The following CDHR1 variants were observed in gnomAD, a reference collection of about 807,000 sequenced individuals.
CDHR1 encodes cadherin-related family member 1.
CDHR1 carries 61 observed loss-of-function variants against 72.1 expected under a neutral mutation model. The observed-to-expected ratio is 0.85, with a 90% confidence interval of 0.69 to 1.05. The LOEUF (loss-of-function observed/expected upper bound fraction) is 1.05. Ranked by LOEUF, CDHR1 falls within the 50% of genes least tolerant of loss-of-function variation. The pLI is 0.00. For missense variants in CDHR1, 1,186 were observed against 1,115.7 expected (o/e 1.06, Z -0.90); for synonymous variants, 470 against 448.1 (o/e 1.05, Z -0.62).
Position 84,214,275 on chromosome 10 carries a change from G to T in CDHR1, c.2234G>T (p.Ser745Ile), listed in dbSNP as rs760447840. ...CGGCGGGTGCTCCGCAAGCGGCCCA[G>T]CCCTGCGCCCCGCACCATCCGCATT... ...PMRRVLRKRP[S>I]PAPRTIRIEW... Residue 745 changes from serine (S) to isoleucine (I), a missense_variant, in exon 17 of 17, where the codon AGC (serine) becomes ATC (isoleucine). Transcript: ENST00000623527. 1.2e-6 allele frequency: 2 copies of T among 1,613,642 alleles called. No individual in the cohort carries two copies. The highest frequency in any genetic ancestry group is 1.6e-4 in the Middle Eastern group (1 of 6,080).
Position 84,201,882 on chromosome 10 carries a change from G to C in CDHR1, c.601G>C (p.Glu201Gln). The C allele has an allele frequency of 1.2e-6, 2 of 1,608,234 alleles. No individual in the cohort carries two copies. The highest frequency in any genetic ancestry group is 1.7e-6 in the Non-Finnish European group (2 of 1,179,966). The change falls in exon 7 of 17, where the codon GAG (glutamate) becomes CAG (glutamine). Residue 201 changes from glutamate (E) to glutamine (Q), a missense_variant. Glu to Gln is a conservative substitution (Grantham distance 29). Transcript: ENST00000623527. The stretch of plus-strand genomic sequence containing the variant: ...CCAGGCTGGGGCCACTCTGGACTAC[G>C]AGAGGTCCCGGACCCACTACATCAC... ...RLQAGATLDY[E>Q]RSRTHYITVV...
At position 84,205,909 on chromosome 10, in the gene CDHR1, G is replaced by A. The variant is rs1307388879; in HGVS notation, c.945G>A (p.Val315=). The A allele has an allele frequency of 6.2e-7, 1 of 1,613,574 alleles. No individual in the cohort carries two copies. Among genetic ancestry groups the A allele is most frequent in the Admixed American group, 1.7e-5 (1 of 60,000 alleles). The change falls in exon 10 of 17, where the codon GTG becomes GTA. Residue 315 remains valine, a synonymous_variant. Transcript: ENST00000623527. ...GCCCGGCCCAGCTCCAGAGAGAGGT[G>A]TATGAGCTGCATGTACAGGTACCCT... The part of the protein sequence containing the change: ...TQSPAQLQRE[V]YELHVQVTEM...
chr10:84,205,514 TCACACACACA>T (rs33921515), intron 9 of CDHR1, among the ~76,000 whole-genome samples: 110 of 145,118 alleles, frequency 7.6e-4, no homozygotes, highest in African/African-American at 2.6e-3. Flanking sequence ...TCTCTTTTCT[TCACACACACA>T]CACACACACA....
At chr10:84,198,936 G>A (rs1398583297) in intron 4 of CDHR1, 96 bp from the exon 5 acceptor site, 1 of 884,584 alleles carries the variant, frequency 1.1e-6, no homozygotes, top group African/African-American at 1.7e-5. Flanking sequence ...GGAGGGATGG[G>A]CAGAGACGTG....
In CDHR1 at chr10:84,208,880, A is replaced by C. The variant is rs771794494; in HGVS notation, c.1319A>C (p.Lys440Thr). ...GAAAAGTCCAAAGTATTAACCTTCA[A>C]GGTAGGTGGTGCCCTGAATTCACTG... ...DFEKSKVLTF[K>T]LLAVEVNTPE... Residue 440 changes from lysine (K) to threonine (T), a missense_variant and splice_region_variant, in exon 12 of 17, where the codon AAG (lysine) becomes ACG (threonine). Physicochemically the swap from Lys to Thr is moderately conservative, Grantham distance 78 (BLOSUM62 -1). Coordinates refer to ENST00000623527, the MANE Select transcript of CDHR1 (RefSeq NM_033100.4). The C allele has an allele frequency of 7.4e-6, 12 of 1,613,518 alleles. No individual in the cohort carries two copies. The highest frequency in any genetic ancestry group is 1.0e-5 in the Non-Finnish European group (12 of 1,179,736).
intron 2 of CDHR1, 64 bp downstream of exon 2, chr10:84,195,653 C>A: frequency 7.1e-7 from 1 of 1,404,150 alleles, no homozygotes; most frequent in Non-Finnish European, 1.0e-6. Flanking sequence ...ACTTAGAACA[C>A]AAAGTGCCCC....
rs1318248749 is a variant in CDHR1 at position 84,218,414 on chromosome 10, T to C, written c.*3793T>C. ...GTTCGGTTATTTATTCATTTCTCAA[T>C]AATTTACTCAGCCATTCCTAGGGTG... On this transcript the variant is annotated 3_prime_UTR_variant, in exon 17 of 17. Transcript: ENST00000623527. 1 of 985,350 alleles carries C rather than the reference T, an allele frequency of 1.0e-6. No individual in the cohort carries two copies. Among genetic ancestry groups the C allele is most frequent in the Non-Finnish European group, 1.2e-6 (1 of 829,946 alleles). The allele number at this position is 985,350 out of a possible 1,614,324, so 61.0% of individuals were successfully genotyped here. A position where few individuals can be genotyped will look rare whatever the true frequency, so the allele number is the denominator to read the frequency against.
chr10:84,206,241 A>G (rs1842224026), intron 10 of CDHR1, among the ~76,000 whole-genome samples: 2 of 152,090 alleles, frequency 1.3e-5, no homozygotes, highest in Admixed American at 1.3e-4. Context: ...CCCAGGCTGG[A>G]GGGGAGAGAA....
chr10:84,208,980 C>T, intron 12 of CDHR1, 99 bp downstream of exon 12: 15 of 1,239,738 alleles, frequency 1.2e-5, no homozygotes, highest in Non-Finnish European at 1.6e-5. Flanking sequence ...TCACTCTCTG[C>T]CCTTCCTGGC....
chr10:84,210,411 A>G (rs907087749), intron 12 of CDHR1, among the ~76,000 whole-genome samples: 22 of 152,002 alleles, frequency 1.4e-4, no homozygotes, highest in Admixed American at 1.2e-3. Context: ...GATTACAGAC[A>G]CACATCATCA....
chr10:84,195,149 C>T, intron 1 of CDHR1, among the ~76,000 whole-genome samples: 1 of 152,344 alleles, frequency 6.6e-6, no homozygotes, highest in East Asian at 1.9e-4. Flanking sequence ...GAGATAGTGC[C>T]CTGACTCGCG....
intron 10 of CDHR1, 78 bp downstream of exon 10, chr10:84,206,005 T>C (rs1286153016): frequency 3.8e-6 from 4 of 1,061,134 alleles, no homozygotes; most frequent in African/African-American, 3.1e-5. Context: ...CCCAGGCCCT[T>C]TTTCCTGGGG....
chr10:84,203,182 G>C, intron 8 of CDHR1, 59 bp downstream of exon 8: 1 of 1,605,732 alleles, frequency 6.2e-7, no homozygotes, highest in Non-Finnish European at 8.5e-7. Flanking sequence ...CCTGACCCTT[G>C]TGATTTTAGG....
chr10:84,200,321 C>G (rs1350014247), intron 5 of CDHR1, among the ~76,000 whole-genome samples: 1 of 152,120 alleles, frequency 6.6e-6, no homozygotes, highest in Non-Finnish European at 1.5e-5. Flanking sequence ...ATAGGTAGAC[C>G]TTTTATCTGT....
intron 8 of CDHR1, 54 bp downstream of exon 8, chr10:84,203,177 C>A (rs562467304): frequency 2.5e-6 from 4 of 1,610,506 alleles, no homozygotes; most frequent in South Asian, 2.2e-5. Flanking sequence ...CCTGCCCTGA[C>A]CCTTGTGATT....
chr10:84,202,364 T>A (rs182495334), intron 7 of CDHR1, among the ~76,000 whole-genome samples: 14 of 152,258 alleles, frequency 9.2e-5, no homozygotes, highest in Non-Finnish European at 7.4e-5. Flanking sequence ...GTGTGTGGTG[T>A]GGGAAACATT....
downstream of CDHR1, chr10:84,219,206 T>C (rs1240989945): frequency 2.6e-6 from 4 of 1,550,704 alleles, no homozygotes; most frequent in East Asian, 4.9e-5. Flanking sequence ...CACTGCGAAA[T>C]TGCCTTATTC....
chr10:84,211,726 C>A lies in CDHR1; in HGVS notation c.1553+11C>A. ...GACTGGGGCAGACCTGTAAGTAGAT[C>A]CAGAATCCAGGACAGGGCCTTGGGC... On this transcript the variant is annotated intron_variant, in intron 14 of 16. Transcript: ENST00000623527. The A allele has an allele frequency of 6.2e-7, 1 of 1,610,924 alleles. No homozygotes were observed. The highest frequency in any genetic ancestry group is 8.5e-7 in the Non-Finnish European group (1 of 1,177,126).
rs896814669 is a variant in CDHR1 at position 84,213,190 on chromosome 10, G to A, written c.1882G>A (p.Glu628Lys). ...GTTCGACATCAATTCCCACACGGGG[G>A]AGATCTGGCTCAAGAATTCCATCCG... The part of the protein sequence containing the change: ...NVFDINSHTG[E>K]IWLKNSIRSL... The change falls in exon 16 of 17, where the codon GAG becomes AAG. Residue 628 changes from glutamate to lysine, a missense_variant. Transcript: ENST00000623527. The A allele has an allele frequency of 3.7e-6, 6 of 1,614,106 alleles. No homozygotes were observed. Among genetic ancestry groups the A allele is most frequent in the Non-Finnish European group, 5.1e-6 (6 of 1,180,054 alleles).
Sources: gnomAD v4.1 joint callset for allele counts (sites outside exome capture counted in the v4.1 genomes callset) on GRCh38, gnomAD v4.1.1 for gene constraint, MANE v1.5 for transcripts, NCBI Gene and HGNC (gene_info 2026-07-23, HGNC 2026-07-21) for gene names.